BLOC1S5: variants seen among roughly 807,000 people sequenced by gnomAD.
The protein encoded by BLOC1S5 is biogenesis of lysosome-related organelles complex 1 subunit 5.
A neutral mutation model predicts 24.3 loss-of-function variants in BLOC1S5; 27 were observed. That is an observed-to-expected ratio of 1.11 (90% confidence interval 0.82 to 1.53). The LOEUF (loss-of-function observed/expected upper bound fraction) is 1.53, where lower values mean the gene tolerates loss of function less well. BLOC1S5 is among the 40% of genes most tolerant of loss of function. The pLI is 0.00. For missense variants in BLOC1S5, 239 were observed against 229.4 expected, an observed-to-expected ratio of 1.04 and a Z score of -0.27; for synonymous variants, 84 against 74.5, an observed-to-expected ratio of 1.13 and a Z score of -0.66.
intron 4 of BLOC1S5, among the ~76,000 whole-genome samples, chr6:8,021,738 T>C (rs537385344): frequency 2.0e-5 from 3 of 152,214 alleles, no homozygotes; most frequent in East Asian, 1.9e-4. Flanking sequence ...TGTTATATTA[T>C]ATGAATTTTG....
chr6:8,041,039 C>T (rs768377615), intron 3 of BLOC1S5, 100 bp downstream of exon 3: 65 of 1,340,554 alleles, frequency 4.8e-5, no homozygotes, highest in Non-Finnish European at 6.4e-5. Flanking sequence ...ACTGAGCTTC[C>T]CTCTCCCTCT....
In BLOC1S5 at chr6:8,026,639, T is replaced by C. The variant is rs565986472; in HGVS notation, c.326-214A>G. Reference sequence around the variant, plus strand: ...GATGTCATAATTAGAACAACCATAATTCTTGAGCTTTGAGCTACAAGCTGA... The same window carrying C: ...GATGTCATAATTAGAACAACCATAACTCTTGAGCTTTGAGCTACAAGCTGA... On this transcript the variant is annotated intron_variant, in intron 3 of 4. Coordinates refer to ENST00000397457, the MANE Select transcript of BLOC1S5 (RefSeq NM_201280.3). Among the ~76,000 whole-genome samples the C allele has an allele frequency of 2.2e-4, 33 of 152,296 alleles. No individual in the cohort carries two copies. The South Asian group carries it at 6.6e-3, about 31-fold the overall frequency.
At position 8,015,706 on chromosome 6, in the gene BLOC1S5, C is replaced by A. The variant is rs748499375; in HGVS notation, c.507G>T (p.Arg169Ser). 2 of 1,613,984 alleles carry A rather than the reference C, an allele frequency of 1.2e-6. No individual in the cohort carries two copies. The highest frequency in any genetic ancestry group is 2.2e-5 in the East Asian group (1 of 44,874). Reference protein sequence around the residue: ...VDEEHRKAMERLKEQYAEMEK... With the variant: ...VDEEHRKAMESLKEQYAEMEK... ...CCATCTCAGCATATTGTTCTTTAAG[C>A]CTTTCCATGGCTTTTCTGTGCTCTT... is the stretch of plus-strand genomic sequence containing the variant. The change falls in exon 5 of 5, where the codon AGG becomes AGT. Residue 169 changes from arginine to serine, a missense_variant. Coordinates refer to ENST00000397457, the MANE Select transcript of BLOC1S5 (RefSeq NM_201280.3).
chr6:8,032,531 G>A (rs1206065927), intron 3 of BLOC1S5, among the ~76,000 whole-genome samples: 6 of 152,100 alleles, frequency 3.9e-5, no homozygotes, highest in Admixed American at 3.9e-4. Flanking sequence ...TACTGAATGG[G>A]CAAAAACTGG....
chr6:8,034,154 A>T (rs1763404049), intron 3 of BLOC1S5, among the ~76,000 whole-genome samples: 1 of 152,268 alleles, frequency 6.6e-6, no homozygotes. Context: ...ATTATAAATC[A>T]TGCTACTATA....
intron 3 of BLOC1S5, among the ~76,000 whole-genome samples, chr6:8,035,876 G>A (rs1479943068): frequency 6.6e-6 from 1 of 152,044 alleles, no homozygotes; most frequent in Admixed American, 6.5e-5. Context: ...CTACAAACTC[G>A]ACCAGGCCTT....
intron 3 of BLOC1S5, among the ~76,000 whole-genome samples, chr6:8,031,662 G>C (rs1763303352): frequency 6.6e-6 from 1 of 151,956 alleles, no homozygotes; most frequent in South Asian, 2.1e-4. Context: ...CATAGCCAAA[G>C]CAAGATTAAG....
chr6:8,024,210 C>T (rs1262096014), intron 4 of BLOC1S5, among the ~76,000 whole-genome samples: 2 of 151,726 alleles, frequency 1.3e-5, no homozygotes, highest in Non-Finnish European at 2.9e-5. Flanking sequence ...TTGAAAATAT[C>T]CCCAGACATA....
intron 3 of BLOC1S5, among the ~76,000 whole-genome samples, chr6:8,034,318 T>C (rs540133581): frequency 6.6e-6 from 1 of 152,332 alleles, no homozygotes; most frequent in African/African-American, 2.4e-5. Flanking sequence ...GATGAGTTTA[T>C]GTCCTTTGCA....
chr6:8,021,137 A>G (rs894871313), intron 4 of BLOC1S5, among the ~76,000 whole-genome samples: 1 of 152,220 alleles, frequency 6.6e-6, no homozygotes, highest in Non-Finnish European at 1.5e-5. Flanking sequence ...CTAAAGAAAC[A>G]GGCCAGTCAG....
chr6:8,017,613 C>CA (rs1383996274), intron 4 of BLOC1S5, among the ~76,000 whole-genome samples: 3 of 152,194 alleles, frequency 2.0e-5, no homozygotes, highest in African/African-American at 7.2e-5. Flanking sequence ...GGATGACAAA[C>CA]AGGATGAAGG....
chr6:8,040,796 T>C (rs1019300125), intron 3 of BLOC1S5, among the ~76,000 whole-genome samples: 1 of 151,294 alleles, frequency 6.6e-6, no homozygotes, highest in South Asian at 2.1e-4. Flanking sequence ...GCCGAGGTTG[T>C]AGTGAGCTGA....
intron 3 of BLOC1S5, among the ~76,000 whole-genome samples, chr6:8,040,077 T>C (rs1305646264): frequency 6.6e-6 from 1 of 152,166 alleles, no homozygotes; most frequent in Non-Finnish European, 1.5e-5. Context: ...AATCCAGGAA[T>C]AAAGGCAGAC....
intron 2 of BLOC1S5, among the ~76,000 whole-genome samples, chr6:8,043,908 T>C (rs1029605490): frequency 5.3e-5 from 8 of 152,180 alleles, no homozygotes; most frequent in Non-Finnish European, 1.0e-4. Context: ...ATTCTCCTGA[T>C]AGTGAATAAG....
At position 8,062,515 on chromosome 6, in the gene BLOC1S5, A is replaced by G. The variant is rs572190878; in HGVS notation, c.195+19T>C. ...AACAATTAGGGAAGTACTTTTATAA[A>G]ATAAGTTTAAATACTCACTTCAAAT... On this transcript the variant is annotated intron_variant, in intron 2 of 4. Transcript: ENST00000397457. 1 of 1,457,512 alleles carries G rather than the reference A, an allele frequency of 6.9e-7. No homozygotes were observed. Among genetic ancestry groups the G allele is most frequent in the South Asian group, 1.2e-5 (1 of 81,188 alleles). 90.3% of individuals were successfully genotyped at this position (1,457,512 alleles called of 1,614,324 possible).
intron 2 of BLOC1S5, among the ~76,000 whole-genome samples, chr6:8,058,766 G>A (rs62395795): frequency 2.6e-5 from 4 of 152,172 alleles, no homozygotes; most frequent in Non-Finnish European, 5.9e-5. Flanking sequence ...AGGTAAAACT[G>A]GAAGAAAAAG....
chr6:8,022,453 T>C (rs905060374), intron 4 of BLOC1S5, among the ~76,000 whole-genome samples: 1 of 151,836 alleles, frequency 6.6e-6, no homozygotes, highest in Admixed American at 6.6e-5. Flanking sequence ...ATATATGCCT[T>C]ACAGAGACAT....
At chr6:8,016,692 C>A (rs983386901) in intron 4 of BLOC1S5, among the ~76,000 whole-genome samples, 1 of 151,780 alleles carries the variant, frequency 6.6e-6, no homozygotes, top group Non-Finnish European at 1.5e-5. Flanking sequence ...CATGGCAGAA[C>A]CCCGTCTCTA....
chr6:8,021,015 T>G (rs1436279048), intron 4 of BLOC1S5, among the ~76,000 whole-genome samples: 2 of 152,084 alleles, frequency 1.3e-5, no homozygotes, highest in African/African-American at 2.4e-5. Context: ...CATAGACAGA[T>G]GAACAGATAA....
Sources: gnomAD v4.1 joint callset for allele counts (sites outside exome capture counted in the v4.1 genomes callset) on GRCh38, gnomAD v4.1.1 for gene constraint, MANE v1.5 for transcripts, NCBI Gene and HGNC (gene_info 2026-07-23, HGNC 2026-07-21) for gene names.